The following CDKN2B-AS1 variants were observed in gnomAD, a reference collection of about 807,000 sequenced individuals.
CDKN2B-AS1 encodes the protein CDKN2B and CDKN2A antisense cis and trans regulatory RNA 1, also known as CDKN2B antisense RNA 1 (non-protein coding).
At chr9:22,062,820 G>A (rs1039750770) in intron 4 of CDKN2B-AS1, among the ~76,000 whole-genome samples, 32 of 152,096 alleles carry the variant, frequency 2.1e-4, no homozygotes, top group Non-Finnish European at 4.1e-4. Flanking sequence ...GGGCTTGAGA[G>A]AAGGATTAGA....
intron 4 of CDKN2B-AS1, among the ~76,000 whole-genome samples, chr9:22,116,763 A>G (rs962518543): frequency 2.0e-5 from 3 of 152,252 alleles, no homozygotes; most frequent in African/African-American, 7.2e-5. Flanking sequence ...CCTATAGGTC[A>G]TGGAAAGACA....
intron 4 of CDKN2B-AS1, among the ~76,000 whole-genome samples, chr9:22,072,676 T>A (rs1015630349): frequency 6.6e-6 from 1 of 152,224 alleles, no homozygotes; most frequent in Non-Finnish European, 1.5e-5. Context: ...GACCATGTTT[T>A]AGTGACATAT....
In CDKN2B-AS1 at chr9:22,005,926, G is replaced by C. The variant is rs1320809496; in HGVS notation, n.29+10765G>C. The C allele has an allele frequency of 2.5e-6, 4 of 1,582,948 alleles. No individual in the cohort carries two copies. Reference sequence around the variant, plus strand: ...TTGGCAGCCTTCATCGAATTAGGTGGGTGGGGGTGGGAAATTGGGTAAGAA... The same window carrying C: ...TTGGCAGCCTTCATCGAATTAGGTGCGTGGGGGTGGGAAATTGGGTAAGAA... On this transcript the variant is annotated intron_variant and non_coding_transcript_variant, in intron 1 of 4. Transcript: ENST00000650946. This position sits in a 1 kb window ranked among gnomAD's most constrained non-coding sequence, Gnocchi z 4.9.
chr9:22,040,840 G>C (rs76213463), intron 1 of CDKN2B-AS1, among the ~76,000 whole-genome samples: 1 of 151,978 alleles, frequency 6.6e-6, no homozygotes, highest in African/African-American at 2.4e-5. Flanking sequence ...CTGTCAGTCA[G>C]TGTTAGCATC....
chr9:22,019,297 G>C (rs1024766551), intron 1 of CDKN2B-AS1, among the ~76,000 whole-genome samples: 1 of 152,242 alleles, frequency 6.6e-6, no homozygotes, highest in African/African-American at 2.4e-5. Flanking sequence ...ATGCATTTTG[G>C]AGAATGGTTT....
chr9:22,058,367 A>G (rs1322227362), intron 4 of CDKN2B-AS1: 2 of 152,204 alleles, frequency 1.3e-5, no homozygotes, highest in Admixed American at 6.5e-5. Context: ...AGTCTCTCCA[A>G]TGAACGCCTT....
intron 4 of CDKN2B-AS1, among the ~76,000 whole-genome samples, chr9:22,115,058 C>A (rs1825910660): frequency 6.6e-6 from 1 of 152,140 alleles, no homozygotes; most frequent in Non-Finnish European, 1.5e-5. Flanking sequence ...CTGAACCCCC[C>A]ATCTTCAATG....
intron 4 of CDKN2B-AS1, among the ~76,000 whole-genome samples, chr9:22,072,716 C>T (rs1182158414): frequency 6.6e-6 from 1 of 152,190 alleles, no homozygotes; most frequent in Admixed American, 6.5e-5. Context: ...ATGCTAGGAG[C>T]ACAAGGCAGC....
chr9:22,125,050 C>T (rs928909443), intron 4 of CDKN2B-AS1, among the ~76,000 whole-genome samples: 3 of 152,270 alleles, frequency 2.0e-5, no homozygotes, highest in Non-Finnish European at 4.4e-5. Context: ...CGTGCATGCA[C>T]GCACACGTGT....
chr9:22,057,289 G>A (rs1197839701), intron 4 of CDKN2B-AS1, among the ~76,000 whole-genome samples: 1 of 151,898 alleles, frequency 6.6e-6, no homozygotes, highest in East Asian at 1.9e-4. Flanking sequence ...ACATTCTCTT[G>A]GCTTACAGAC....
At chr9:22,085,693 C>A (rs1304612990) in intron 4 of CDKN2B-AS1, among the ~76,000 whole-genome samples, 1 of 144,982 alleles carries the variant, frequency 6.9e-6, no homozygotes, top group Non-Finnish European at 1.5e-5. Flanking sequence ...TGCACTCCAG[C>A]GAGGGCAACA....
rs1821185217 is a variant in CDKN2B-AS1, at chr9:22,006,276, C to G, written n.29+11115C>G. On this transcript the variant is annotated intron_variant and non_coding_transcript_variant, in intron 1 of 4. Coordinates refer to ENST00000650946, the Ensembl canonical transcript of CDKN2B-AS1. This position sits in a 1 kb window ranked among gnomAD's most constrained non-coding sequence, Gnocchi z 6.4. ...CCAGAGAGAGCAGAGTGGTCAGAGC[C>G]AGGGTGGGGGCAGGTATGGGAGATG... 1 of 1,600,340 alleles carries G rather than the reference C, an allele frequency of 6.2e-7. No homozygotes were observed. Among genetic ancestry groups the G allele is most frequent in the Admixed American group, 1.7e-5 (1 of 59,980 alleles).
At chr9:22,103,101 C>G (rs551209997) in intron 4 of CDKN2B-AS1, among the ~76,000 whole-genome samples, 38 of 149,352 alleles carry the variant, frequency 2.5e-4, no homozygotes, top group African/African-American at 8.6e-4. Flanking sequence ...AGGTTACTTT[C>G]TGCATTCTGG....
chr9:22,004,278 C>T, intron 1 of CDKN2B-AS1: 1 of 232,430 alleles, frequency 4.3e-6, no homozygotes, highest in East Asian at 6.1e-5. Flanking sequence ...CTCAAATGTA[C>T]TCCTTCTTAT....
At chr9:22,055,415 C>T (rs1376859788) in intron 3 of CDKN2B-AS1, among the ~76,000 whole-genome samples, 2 of 152,106 alleles carry the variant, frequency 1.3e-5, no homozygotes, top group Non-Finnish European at 2.9e-5. Flanking sequence ...TGGGCTTTTG[C>T]AACTTGCCAT....
chr9:22,060,052 T>C (rs1487066692), intron 4 of CDKN2B-AS1, among the ~76,000 whole-genome samples: 2 of 152,132 alleles, frequency 1.3e-5, no homozygotes, highest in East Asian at 3.9e-4. Context: ...GGGGCTGCCA[T>C]GAAGGTCTCT....
chr9:22,045,249 A>G (rs527889950), intron 1 of CDKN2B-AS1, among the ~76,000 whole-genome samples: 24 of 152,144 alleles, frequency 1.6e-4, no homozygotes, highest in African/African-American at 5.8e-4. Context: ...TTGAGTGTTT[A>G]TTATATATTA....
At chr9:22,087,095 C>G (rs999378497) in intron 4 of CDKN2B-AS1, among the ~76,000 whole-genome samples, 3 of 152,198 alleles carry the variant, frequency 2.0e-5, no homozygotes, top group African/African-American at 7.2e-5. Context: ...CAGGAGTAGC[C>G]TAAGGCCATG....
intron 1 of CDKN2B-AS1, among the ~76,000 whole-genome samples, chr9:22,018,875 A>G (rs1299236076): frequency 6.6e-6 from 1 of 152,242 alleles, no homozygotes; most frequent in Non-Finnish European, 1.5e-5. Flanking sequence ...CAGGTGATAA[A>G]CAATTCAGAG....
Sources: gnomAD v4.1 joint callset for allele counts (sites outside exome capture counted in the v4.1 genomes callset) on GRCh38, gnomAD v4.1.1 for gene constraint, Gnocchi (gnomAD v3.1) non-coding constraint, MANE v1.5 for transcripts, NCBI Gene and HGNC (gene_info 2026-07-23, HGNC 2026-07-21) for gene names.